The following UBA5 variants were observed in gnomAD, a reference collection of about 807,000 sequenced individuals.
UBA5 encodes the protein ubiquitin-like modifier-activating enzyme 5.
In UBA5, 28 loss-of-function variants were observed where a neutral mutation model predicts 52.9. The ratio of observed to expected loss-of-function variants is 0.53; its 90% confidence interval spans 0.39 to 0.73. UBA5 has a LOEUF of 0.73. Ranked by LOEUF, UBA5 falls within the 30% of genes least tolerant of loss-of-function variation. The pLI is 0.00. For missense variants in UBA5, 388 were observed against 492.7 expected, an observed-to-expected ratio of 0.79 and a Z score of 2.01; for synonymous variants, 135 against 162.1, an observed-to-expected ratio of 0.83 and a Z score of 1.27.
upstream of UBA5, chr3:132,659,953 A>G: frequency 3.7e-6 from 2 of 543,478 alleles, no homozygotes; most frequent in East Asian, 3.4e-5. Flanking sequence ...GTCAAGTGCC[A>G]AAAGAGCCCA....
intron 3 of UBA5, among the ~76,000 whole-genome samples, chr3:132,666,575 C>T (rs1262795416): frequency 1.3e-5 from 2 of 152,012 alleles, no homozygotes; most frequent in East Asian, 3.9e-4. Flanking sequence ...TTCAGTCTAC[C>T]AATCTTAGAT....
chr3:132,655,449 A>G (rs1937736755), upstream of UBA5, among the ~76,000 whole-genome samples: 1 of 152,160 alleles, frequency 6.6e-6, no homozygotes, highest in Non-Finnish European at 1.5e-5. Flanking sequence ...GCCCTTGCTT[A>G]CACTACTTCA....
upstream of UBA5, among the ~76,000 whole-genome samples, chr3:132,658,882 G>A (rs1404383138): frequency 6.6e-6 from 1 of 152,060 alleles, no homozygotes; most frequent in Non-Finnish European, 1.5e-5. Flanking sequence ...TACAACTTAG[G>A]AAACTAGTTC....
chr3:132,669,936 G>C (rs1022785512), intron 4 of UBA5, among the ~76,000 whole-genome samples: 5 of 152,154 alleles, frequency 3.3e-5, no homozygotes, highest in African/African-American at 1.2e-4. Context: ...GCTTGAATTC[G>C]CTTCTCTAAG....
upstream of UBA5, among the ~76,000 whole-genome samples, chr3:132,659,309 G>T (rs1937996210): frequency 6.6e-6 from 1 of 152,208 alleles, no homozygotes; most frequent in South Asian, 2.1e-4. Flanking sequence ...AGAATTTGTA[G>T]CCTTAATTGC....
At chr3:132,670,041 A>G (rs564221715) in intron 4 of UBA5, among the ~76,000 whole-genome samples, 157 bp from the exon 5 acceptor site, 12 of 152,196 alleles carry the variant, frequency 7.9e-5, no homozygotes, top group African/African-American at 2.6e-4. Context: ...ACATTTTTTT[A>G]GAGACAGGGT....
intron 6 of UBA5, among the ~76,000 whole-genome samples, chr3:132,671,290 A>G (rs908600540): frequency 6.6e-6 from 1 of 152,132 alleles, no homozygotes; most frequent in African/African-American, 2.4e-5. Flanking sequence ...GTAAACTATA[A>G]AACAGCAAAT....
At position 132,675,580 on chromosome 3, in the gene UBA5, C is replaced by G; in HGVS notation, c.949-25C>G. On this transcript the variant is annotated intron_variant, in intron 9 of 11. Coordinates refer to ENST00000356232, the MANE Select transcript of UBA5 (RefSeq NM_024818.6). ...AGAGAACTGAGAATGAGTAAGAACA[C>G]TTTGATGCTGTTTGATTTCTACAGA... 3.1e-6 allele frequency: 5 copies of G among 1,600,596 alleles called. No individual in the cohort carries two copies. The South Asian group carries it at 4.5e-5, about 14-fold the overall frequency.
At chr3:132,669,298 C>T (rs1264058185) in intron 4 of UBA5, among the ~76,000 whole-genome samples, 1 of 152,032 alleles carries the variant, frequency 6.6e-6, no homozygotes, top group East Asian at 1.9e-4. Flanking sequence ...GAGACAGTCT[C>T]ACTCTGTCAC....
chr3:132,660,402 G>C lies in UBA5; in HGVS notation c.-136G>C. The C allele has an allele frequency of 1.7e-6, 2 of 1,148,580 alleles. 1 individual carries two copies. Among genetic ancestry groups the C allele is most frequent in the Admixed American group, 5.0e-5 (2 of 40,128 alleles). 71.1% of individuals were successfully genotyped at this position (1,148,580 alleles called of 1,614,324 possible). On this transcript the variant is annotated 5_prime_UTR_variant, in exon 1 of 12. Transcript: ENST00000356232. The surrounding 1 kb of genome is among the most constrained non-coding windows in gnomAD (Gnocchi z 4.1). ...TCTGTCTGTGAGGCGCTGGGTGCAC[G>C]TCCCCAGGGCTCTGGGCTAGGAAGG... is the stretch of plus-strand genomic sequence containing the variant.
chr3:132,677,084 GAAGTAC>G lies in UBA5; in HGVS notation c.*563_*568del. 1 of 262,950 alleles carries G rather than the reference GAAGTAC, an allele frequency of 3.8e-6. No individual in the cohort carries two copies. The highest frequency in any genetic ancestry group is 4.3e-5 in the Admixed American group (1 of 23,448). The allele number at this position is 262,950 out of a possible 1,614,324, so 16.3% of individuals were successfully genotyped here. ...AACATCCTCTCAAATGTTTGCTGAT[GAAGTAC>G]AAGTTGAAATGTAGTTATTGGAAAA... On this transcript the variant is annotated 3_prime_UTR_variant, in exon 12 of 12. Transcript: ENST00000356232.
chr3:132,660,444 C>G lies in UBA5; in HGVS notation c.-94C>G. On this transcript the variant is annotated 5_prime_UTR_variant, in exon 1 of 12. Transcript: ENST00000356232. This position sits in a 1 kb window ranked among gnomAD's most constrained non-coding sequence, Gnocchi z 4.1. The stretch of plus-strand genomic sequence containing the variant: ...CTAGGAAGGCAGCGGCGAGGTGCCT[C>G]CCCACGTACCCCTCGCGGGCCCAGC... 2.0e-6 allele frequency: 3 copies of G among 1,481,176 alleles called. No individual in the cohort carries two copies. Among genetic ancestry groups the G allele is most frequent in the Non-Finnish European group, 2.7e-6 (3 of 1,103,450 alleles). 91.8% of individuals were successfully genotyped at this position (1,481,176 alleles called of 1,614,324 possible). A position where few individuals can be genotyped will look rare whatever the true frequency, so the allele number is the denominator to read the frequency against.
intron 5 of UBA5, 82 bp from the exon 6 acceptor site, chr3:132,670,883 G>T: frequency 1.1e-6 from 1 of 876,388 alleles, no homozygotes; most frequent in Non-Finnish European, 1.9e-6. Context: ...GAAAGAATAA[G>T]TGTTGGACTG....
chr3:132,669,121 G>A (rs539314152), intron 4 of UBA5, among the ~76,000 whole-genome samples, 194 bp downstream of exon 4: 4 of 152,160 alleles, frequency 2.6e-5, no homozygotes, highest in Admixed American at 6.5e-5. Flanking sequence ...TTTAGTCTTT[G>A]AGGGCCAGAT....
chr3:132,656,373 G>C (rs1398591958), upstream of UBA5, among the ~76,000 whole-genome samples: 1 of 152,160 alleles, frequency 6.6e-6, no homozygotes, highest in East Asian at 1.9e-4. Context: ...CATAGGTCAT[G>C]TGTATCTTCC....
intron 1 of UBA5, among the ~76,000 whole-genome samples, chr3:132,655,104 T>C (rs1937712070): frequency 6.6e-6 from 1 of 152,228 alleles, no homozygotes; most frequent in Non-Finnish European, 1.5e-5. Context: ...CTGCCGTATA[T>C]GCAGCCCGTC....
Position 132,678,493 on chromosome 3 carries a change from CT to C in UBA5, c.*1970del, listed in dbSNP as rs1340859756. On this transcript the variant is annotated 3_prime_UTR_variant, in exon 12 of 12. Transcript: ENST00000356232. ...AATGATAGTAAAACAACATATTCAACTTTAATTCCTGTCTTATTGTTAATGG... is the reference window on the plus strand; with the variant it reads ...AATGATAGTAAAACAACATATTCAACTTAATTCCTGTCTTATTGTTAATGG... 6.6e-6 allele frequency among the ~76,000 whole-genome samples: 1 copy of C among 152,156 alleles called. No homozygotes were observed. The highest frequency in any genetic ancestry group is 1.5e-5 in the Non-Finnish European group (1 of 68,030).
At chr3:132,673,888 C>G (rs181526809) in intron 8 of UBA5, among the ~76,000 whole-genome samples, 2 of 152,120 alleles carry the variant, frequency 1.3e-5, no homozygotes, top group African/African-American at 2.4e-5. Context: ...TGGTCTTGAA[C>G]TCCTGGGCTC....
chr3:132,658,495 C>G (rs1412119226), upstream of UBA5, among the ~76,000 whole-genome samples: 2 of 152,118 alleles, frequency 1.3e-5, no homozygotes, highest in African/African-American at 4.8e-5. Context: ...TCCTTTTTGC[C>G]AAAGCAGGAC....
Sources: gnomAD v4.1 joint callset for allele counts (sites outside exome capture counted in the v4.1 genomes callset) on GRCh38, gnomAD v4.1.1 for gene constraint, Gnocchi (gnomAD v3.1) non-coding constraint, MANE v1.5 for transcripts, NCBI Gene and HGNC (gene_info 2026-07-23, HGNC 2026-07-21) for gene names.